Variants in TSNARE1 observed in about 807,000 individuals in gnomAD.
The protein encoded by TSNARE1 is t-SNARE domain-containing protein 1.
Under a neutral mutation model 62.0 loss-of-function variants are expected in TSNARE1, and 49 were observed. That is an observed-to-expected ratio of 0.79 (90% CI 0.63 to 1.00). The LOEUF is 1.00. Ranked by LOEUF, TSNARE1 falls within the 50% of genes least tolerant of loss-of-function variation. The pLI is 0.00. For missense variants in TSNARE1, 755 were observed against 700.1 expected (o/e 1.08, Z -0.88); for synonymous variants, 328 against 294.4 (o/e 1.11, Z -1.17).
chr8:142,314,355 A>T, intron 9 of TSNARE1, 29 bp downstream of exon 9: 27 of 1,608,182 alleles, frequency 1.7e-5, no homozygotes, highest in Non-Finnish European at 2.3e-5. Flanking sequence ...CCTAACAGCC[A>T]CTGACCATGG....
chr8:142,273,065 C>T, intron 12 of TSNARE1: 2 of 985,438 alleles, frequency 2.0e-6, no homozygotes, highest in South Asian at 9.4e-5. Context: ...ACCTCCTCTG[C>T]AGTGTGTCGG....
At chr8:142,267,813 A>C (rs747266159) in intron 12 of TSNARE1, among the ~76,000 whole-genome samples, 5 of 152,206 alleles carry the variant, frequency 3.3e-5, no homozygotes, top group Admixed American at 6.5e-5. Context: ...GGAATGCAAG[A>C]AGCACAGTGT....
chr8:142,374,587 G>A (rs1319661959), intron 1 of TSNARE1, among the ~76,000 whole-genome samples: 1 of 151,790 alleles, frequency 6.6e-6, no homozygotes, highest in East Asian at 1.9e-4. Flanking sequence ...AGCTGAGTTA[G>A]GAGAATGGCA....
chr8:142,243,701 G>A (rs1817763066), intron 12 of TSNARE1, among the ~76,000 whole-genome samples: 1 of 152,176 alleles, frequency 6.6e-6, no homozygotes, highest in African/African-American at 2.4e-5. Flanking sequence ...GGTAACTCTA[G>A]TGAATAATAA....
chr8:142,278,814 A>C (rs1820926505), intron 11 of TSNARE1: 11 of 985,268 alleles, frequency 1.1e-5, no homozygotes, highest in Non-Finnish European at 1.3e-5. Context: ...GCCCAGAGGG[A>C]GGGGCCTGCA....
chr8:142,367,987 G>GA (rs1412324164), intron 1 of TSNARE1, among the ~76,000 whole-genome samples: 7 of 152,188 alleles, frequency 4.6e-5, no homozygotes, highest in African/African-American at 1.2e-4. Flanking sequence ...AGTATGTGCA[G>GA]AAAAAATGAA....
chr8:142,379,754 G>A lies in TSNARE1; in HGVS notation c.-40+23350C>T, dbSNP rs77998256. Reference sequence around the variant, plus strand: ...CCAGCTCAGGGCTCCAGCTTTACGGGTGGGGCCAGGGCTGCCTCAGCCTCC... The same window carrying A: ...CCAGCTCAGGGCTCCAGCTTTACGGATGGGGCCAGGGCTGCCTCAGCCTCC... On this transcript the variant is annotated intron_variant, in intron 1 of 13. Coordinates refer to ENST00000524325, the MANE Select transcript of TSNARE1 (RefSeq NM_145003.5). Among the ~76,000 whole-genome samples, 1,445 of 152,230 alleles carry A rather than the reference G, an allele frequency of 9.5e-3. 12 individuals are homozygous for A. The highest frequency in any genetic ancestry group is 0.021 in the East Asian group (107 of 5,154).
chr8:142,375,143 G>A (rs1452076114), intron 1 of TSNARE1, among the ~76,000 whole-genome samples: 3 of 152,220 alleles, frequency 2.0e-5, no homozygotes, highest in Non-Finnish European at 4.4e-5. Flanking sequence ...AGCCTGCCAC[G>A]TGCCGGTCCT....
In TSNARE1 at chr8:142,240,805, T is replaced by C. The variant is rs538233062; in HGVS notation, c.1447-11226A>G. ...TCTAAACTGAACAATAATGGAAATATTATGTATCAAAACACAGGATGCAGT... is the reference window on the plus strand; with the variant it reads ...TCTAAACTGAACAATAATGGAAATACTATGTATCAAAACACAGGATGCAGT... On this transcript the variant is annotated intron_variant, in intron 12 of 13. Coordinates refer to ENST00000524325, the MANE Select transcript of TSNARE1 (RefSeq NM_145003.5). Among the ~76,000 whole-genome samples, 4 of 152,324 alleles carry C rather than the reference T, an allele frequency of 2.6e-5. No individual in the cohort carries two copies. In the South Asian group the frequency reaches 8.3e-4, roughly 32 times the overall value.
rs763338721 is a variant in TSNARE1 at position 142,345,838 on chromosome 8, G to A, written c.143C>T (p.Pro48Leu). 3.7e-6 allele frequency: 6 copies of A among 1,613,880 alleles called. No homozygotes were observed. The East Asian group carries it at 6.7e-5, about 18-fold the overall frequency. Residue 48 changes from proline to leucine, a missense_variant, in exon 3 of 14, where the codon CCA becomes CTA. By Grantham distance (98) the Pro-to-Leu change is moderately conservative (BLOSUM62 -3). Transcript: ENST00000524325. ...YGIRHFPCPSPESKLQNRCVG... is the reference protein window; with the variant it reads ...YGIRHFPCPSLESKLQNRCVG... ...ACAGCGGTTCTGCAGCTTGCTCTCT[G>A]GCGACGGGCAGGGGAAATGGCGGAT...
intron 1 of TSNARE1, among the ~76,000 whole-genome samples, chr8:142,358,729 C>A (rs897385534): frequency 6.6e-6 from 1 of 151,248 alleles, no homozygotes; most frequent in African/African-American, 2.4e-5. Context: ...CACGGCCCCG[C>A]CCAGCAAGCC....
rs147696449 is a variant in TSNARE1 at position 142,217,502 on chromosome 8, C to T, written c.*12-5189G>A. ...AATGCTGGCCAGAGGCGAGAGCCAGCAGGCAGGCAGGGGCAGGTGGTCATG... is the reference window on the plus strand; with the variant it reads ...AATGCTGGCCAGAGGCGAGAGCCAGTAGGCAGGCAGGGGCAGGTGGTCATG... On this transcript the variant is annotated intron_variant, in intron 13 of 13. Transcript: ENST00000524325. Among the ~76,000 whole-genome samples, 1,198 of 152,274 alleles carry T rather than the reference C, an allele frequency of 7.9e-3. 18 individuals carry two copies. The highest frequency in any genetic ancestry group is 0.028 in the African/African-American group (1,158 of 41,552).
chr8:142,337,999 C>A (rs2129873006), intron 4 of TSNARE1, among the ~76,000 whole-genome samples: 1 of 152,328 alleles, frequency 6.6e-6, no homozygotes, highest in African/African-American at 2.4e-5. Flanking sequence ...GTCCCCAACA[C>A]CCATTCCCAG....
chr8:142,272,771 G>T lies in TSNARE1; in HGVS notation c.1446+2010C>A, dbSNP rs1346086848. On this transcript the variant is annotated intron_variant, in intron 12 of 13. Transcript: ENST00000524325. The stretch of plus-strand genomic sequence containing the variant: ...GGAGCAGGACATTCTACGCAGAGGC[G>T]ACTTCACAGACACCTGGTCCCTCCT... 6 of 964,256 alleles carry T rather than the reference G, an allele frequency of 6.2e-6. No homozygotes were observed. The African/African-American group carries it at 1.2e-4, about 19-fold the overall frequency. The allele number at this position is 964,256 out of a possible 1,614,324, so 59.7% of individuals were successfully genotyped here. A position where few individuals can be genotyped will look rare whatever the true frequency, so the allele number is the denominator to read the frequency against.
At chr8:142,329,062 A>G (rs7014552) in intron 6 of TSNARE1, among the ~76,000 whole-genome samples, 101,629 of 152,158 alleles carry the variant, frequency 0.67, 34,538 homozygotes, top group South Asian at 0.79. Context: ...CTTAGTTGGC[A>G]ACTTCGTCAA....
chr8:142,271,578 TG>T, intron 12 of TSNARE1: 1 of 1,404,366 alleles, frequency 7.1e-7, no homozygotes. Flanking sequence ...GGTGAGGAGG[TG>T]GGTGCGTGGA....
chr8:142,354,319 G>A (rs894818614), intron 2 of TSNARE1, among the ~76,000 whole-genome samples: 2 of 152,098 alleles, frequency 1.3e-5, no homozygotes, highest in African/African-American at 2.4e-5. Context: ...GGCCAGGTGA[G>A]ATCCTGCATC....
At position 142,235,949 on chromosome 8, in the gene TSNARE1, G is replaced by A. The variant is rs149953035; in HGVS notation, c.1447-6370C>T. Among the ~76,000 whole-genome samples, 110 of 152,244 alleles carry A rather than the reference G, an allele frequency of 7.2e-4. 1 individual carries two copies. In the East Asian group the frequency reaches 0.014, roughly 20 times the overall value. ...GCACGCAGGAGGGGCTTCACCTGGC[G>A]AGGTGGGGGCACAGAAGGCTGCAAG... On this transcript the variant is annotated intron_variant, in intron 12 of 13. Coordinates refer to ENST00000524325, the MANE Select transcript of TSNARE1 (RefSeq NM_145003.5).
intron 11 of TSNARE1, among the ~76,000 whole-genome samples, chr8:142,281,427 G>C (rs950071674): frequency 6.6e-6 from 1 of 151,994 alleles, no homozygotes; most frequent in East Asian, 2.0e-4. Context: ...CTGTGGGAGG[G>C]GGGCAAGGTC....
Sources: gnomAD v4.1 joint callset for allele counts (sites outside exome capture counted in the v4.1 genomes callset) on GRCh38, gnomAD v4.1.1 for gene constraint, MANE v1.5 for transcripts, NCBI Gene and HGNC (gene_info 2026-07-23, HGNC 2026-07-21) for gene names.